Variants in MTA3 observed in about 807,000 individuals in gnomAD.
MTA3 encodes the protein metastasis-associated protein MTA3.
MTA3 carries 34 observed loss-of-function variants against 83.5 expected under a neutral mutation model. That is an observed-to-expected ratio of 0.41 (90% confidence interval 0.31 to 0.54). The LOEUF is 0.54. Among genes scored for constraint, MTA3 ranks in the 20% least tolerant of loss-of-function variants. MTA3 has a pLI of 0.33. For synonymous variants in MTA3, 303 were observed against 252.7 expected, an observed-to-expected ratio of 1.20 and a Z score of -1.89; for missense variants, 761 against 726.4, an observed-to-expected ratio of 1.05 and a Z score of -0.55.
At chr2:42,499,384 T>G (rs947084961) in intron 2 of MTA3, among the ~76,000 whole-genome samples, 3 of 149,922 alleles carry the variant, frequency 2.0e-5, no homozygotes, top group African/African-American at 7.3e-5. Flanking sequence ...CAGGCTGGTC[T>G]TGAACTCCCA....
At chr2:42,751,713 A>C (rs1017009254) in intron 16 of MTA3, among the ~76,000 whole-genome samples, 1 of 152,230 alleles carries the variant, frequency 6.6e-6, no homozygotes, top group Non-Finnish European at 1.5e-5. Flanking sequence ...AAATAAAAGC[A>C]CAATTTACCA....
At chr2:42,642,468 C>T (rs777577291) in intron 5 of MTA3, among the ~76,000 whole-genome samples, 93 of 151,468 alleles carry the variant, frequency 6.1e-4, no homozygotes, top group Admixed American at 1.4e-3. Flanking sequence ...CCAGCCCAGG[C>T]AACATAGTGA....
chr2:42,665,236 A>G (rs945567855), intron 8 of MTA3, among the ~76,000 whole-genome samples: 2 of 152,280 alleles, frequency 1.3e-5, no homozygotes, highest in African/African-American at 4.8e-5. Context: ...TACTAAAAAT[A>G]CAAAAGTTAG....
chr2:42,628,801 TAC>T (rs1263096953), intron 4 of MTA3, among the ~76,000 whole-genome samples: 5 of 151,620 alleles, frequency 3.3e-5, no homozygotes, highest in Non-Finnish European at 7.4e-5. Context: ...GTTTATGTTT[TAC>T]CTAGAGCAAT....
intron 4 of MTA3, among the ~76,000 whole-genome samples, chr2:42,612,260 G>A (rs1023336180): frequency 3.9e-5 from 6 of 152,106 alleles, no homozygotes; most frequent in Non-Finnish European, 7.4e-5. Flanking sequence ...TGTTGCCTAG[G>A]CTGGAAAGTA....
chr2:42,736,692 A>G (rs773536347), intron 16 of MTA3, among the ~76,000 whole-genome samples: 3 of 152,100 alleles, frequency 2.0e-5, no homozygotes, highest in Non-Finnish European at 2.9e-5. Context: ...AAGCAGAAAG[A>G]GTCTCTCCTC....
At chr2:42,655,939 C>CT (rs1350650915) in intron 6 of MTA3, among the ~76,000 whole-genome samples, 3 of 152,212 alleles carry the variant, frequency 2.0e-5, no homozygotes, top group Admixed American at 1.3e-4. Context: ...TAGCATGGCA[C>CT]TTACTGCCTC....
At chr2:42,548,511 G>T (rs1340025214) in intron 2 of MTA3, among the ~76,000 whole-genome samples, 2 of 151,628 alleles carry the variant, frequency 1.3e-5, no homozygotes, top group African/African-American at 2.4e-5. Context: ...TATTAAATGG[G>T]CTGGGCATGG....
At chr2:42,660,508 G>T (rs1689591267) in intron 8 of MTA3, among the ~76,000 whole-genome samples, 1 of 152,076 alleles carries the variant, frequency 6.6e-6, no homozygotes, top group Admixed American at 6.6e-5. Flanking sequence ...ACCACTAATG[G>T]CTGCCGTGGT....
intron 2 of MTA3, among the ~76,000 whole-genome samples, chr2:42,536,185 G>C (rs1676224658): frequency 6.6e-6 from 1 of 150,918 alleles, no homozygotes; most frequent in African/African-American, 2.4e-5. Context: ...TGAAAATCGA[G>C]GGGTTAGGCT....
intron 10 of MTA3, 54 bp from the exon 11 acceptor site, chr2:42,697,722 A>G: frequency 1.7e-6 from 2 of 1,162,882 alleles, no homozygotes; most frequent in East Asian, 5.3e-5. Context: ...GACAATGAAC[A>G]GTAGTAATAA....
At chr2:42,595,844 T>A (rs1001248275) in intron 3 of MTA3, among the ~76,000 whole-genome samples, 1 of 152,200 alleles carries the variant, frequency 6.6e-6, no homozygotes, top group Non-Finnish European at 1.5e-5. Context: ...TAACACATAA[T>A]ACCAGACACT....
chr2:42,636,048 C>T (rs1441197806), intron 4 of MTA3, among the ~76,000 whole-genome samples: 3 of 152,096 alleles, frequency 2.0e-5, no homozygotes, highest in Non-Finnish European at 4.4e-5. Context: ...GGATTACAGG[C>T]GTGAGCCACG....
intron 7 of MTA3, chr2:42,659,556 C>G (rs997355150): frequency 8.1e-6 from 2 of 246,344 alleles, no homozygotes; most frequent in Middle Eastern, 2.7e-3. Flanking sequence ...TGATAACGAC[C>G]TGTTTATAGT....
chr2:42,583,946 C>T (rs7562852), intron 3 of MTA3, among the ~76,000 whole-genome samples: 111,807 of 151,784 alleles, frequency 0.74, 41,420 homozygotes, highest in South Asian at 0.87. Context: ...CAGGTTCAAG[C>T]GATTCTCCTG....
chr2:42,590,089 C>T (rs1319201486), intron 3 of MTA3, among the ~76,000 whole-genome samples: 1 of 151,934 alleles, frequency 6.6e-6, no homozygotes, highest in Non-Finnish European at 1.5e-5. Context: ...TTCTGTGTAC[C>T]CCTTAGAATG....
chr2:42,551,831 A>C (rs1677121411), intron 2 of MTA3, among the ~76,000 whole-genome samples: 1 of 151,680 alleles, frequency 6.6e-6, no homozygotes, highest in Non-Finnish European at 1.5e-5. Flanking sequence ...GGGTTGAAGC[A>C]ATTCTCTGCC....
chr2:42,494,919 A>T (rs1031064912), exon 1 of MTA3: 5 of 152,170 alleles, frequency 3.3e-5, no homozygotes, highest in African/African-American at 1.2e-4. Flanking sequence ...AGCGGGTTCC[A>T]CTTGGCAGGG....
At chr2:42,653,561 C>T (rs981625107) in intron 6 of MTA3, among the ~76,000 whole-genome samples, 4 of 152,070 alleles carry the variant, frequency 2.6e-5, no homozygotes, top group African/African-American at 4.8e-5. Flanking sequence ...TTGAAATGAT[C>T]GTTTGATATA....
Sources: gnomAD v4.1 joint callset for allele counts (sites outside exome capture counted in the v4.1 genomes callset) on GRCh38, gnomAD v4.1.1 for gene constraint, MANE v1.5 for transcripts, NCBI Gene and HGNC (gene_info 2026-07-23, HGNC 2026-07-21) for gene names.